SH3PXD2B: variants seen among roughly 807,000 people sequenced by gnomAD.
SH3PXD2B encodes the protein SH3 and PX domains 2B, also known as SH3 and PX domain-containing protein 2B.
SH3PXD2B carries 37 observed loss-of-function variants against 73.1 expected under a neutral mutation model. The ratio of observed to expected loss-of-function variants is 0.51; its 90% CI spans 0.39 to 0.67. The LOEUF is 0.67. SH3PXD2B is among the 30% of genes least tolerant of loss of function. SH3PXD2B has a pLI of 0.00. For synonymous variants in SH3PXD2B, 457 were observed against 480.5 expected, an observed-to-expected ratio of 0.95 and a Z score of 0.64; for missense variants, 1,053 against 1,197.8, an observed-to-expected ratio of 0.88 and a Z score of 1.78.
In SH3PXD2B at chr5:172,339,814, C is replaced by A. The variant is rs142779141; in HGVS notation, c.1291G>T (p.Ala431Ser). ...GGAGCCAGAAAGTTGGGTCTCGACG[C>A]GTTGCTCGTCTTCTTGTACTTGTCA... is the stretch of plus-strand genomic sequence containing the variant. ...FIDKYKKTSN[A>S]SRPNFLAPLP... Residue 431 changes from alanine (A) to serine (S), a missense_variant, in exon 13 of 13, where the codon GCG becomes TCG. Coordinates refer to ENST00000311601, the MANE Select transcript of SH3PXD2B (RefSeq NM_001017995.3). This position sits in a 1 kb window ranked among gnomAD's most constrained non-coding sequence, Gnocchi z 6.1. The A allele has an allele frequency of 1.2e-6, 2 of 1,613,846 alleles. No homozygotes were observed. The highest frequency in any genetic ancestry group is 1.3e-5 in the African/African-American group (1 of 74,952).
intron 2 of SH3PXD2B, among the ~76,000 whole-genome samples, chr5:172,412,010 T>C (rs1244146458): frequency 6.6e-6 from 1 of 152,154 alleles, no homozygotes; most frequent in Non-Finnish European, 1.5e-5. Context: ...CTCTGCTTTC[T>C]GCCTCTATGA....
At chr5:172,390,326 T>C (rs1758153091) in intron 4 of SH3PXD2B, among the ~76,000 whole-genome samples, 1 of 152,272 alleles carries the variant, frequency 6.6e-6, no homozygotes, top group Admixed American at 6.5e-5. Context: ...CTGGCTTCTT[T>C]CACTTAGCAT....
At chr5:172,328,287 G>T (rs1032560210) in intron 12 of SH3PXD2B, among the ~76,000 whole-genome samples, 10 of 151,590 alleles carry the variant, frequency 6.6e-5, no homozygotes, top group Non-Finnish European at 1.5e-4. Context: ...TGCATTTTTA[G>T]TAGAGACGGG....
chr5:172,335,855 T>C lies in SH3PXD2B; in HGVS notation c.*2514A>G. 1 of 1,226,566 alleles carries C rather than the reference T, an allele frequency of 8.2e-7. No individual in the cohort carries two copies. The highest frequency in any genetic ancestry group is 4.2e-5 in the Admixed American group (1 of 23,530). 76.0% of individuals were successfully genotyped at this position (1,226,566 alleles called of 1,614,324 possible). A position where few individuals can be genotyped will look rare whatever the true frequency, so the allele number is the denominator to read the frequency against. On this transcript the variant is annotated 3_prime_UTR_variant, in exon 13 of 13. Coordinates refer to ENST00000311601, the MANE Select transcript of SH3PXD2B (RefSeq NM_001017995.3). ...GACGTCCTCAGGCCATAGATATGAC[T>C]CAAGGAGAGAACAGTGAACAGAGAG...
At chr5:172,417,654 T>TA (rs1396192768) in intron 2 of SH3PXD2B, among the ~76,000 whole-genome samples, 1 of 152,212 alleles carries the variant, frequency 6.6e-6, no homozygotes, top group Non-Finnish European at 1.5e-5. Context: ...TTCACCACTC[T>TA]ATTAACTGGC....
At chr5:172,369,242 GTT>G (rs138212607) in intron 6 of SH3PXD2B, among the ~76,000 whole-genome samples, 1 of 146,030 alleles carries the variant, frequency 6.8e-6, no homozygotes, top group Non-Finnish European at 1.5e-5. Context: ...TGTTTGTTTT[GTT>G]TTTTTTTTAA....
At chr5:172,417,079 G>C (rs1056409328) in intron 2 of SH3PXD2B, among the ~76,000 whole-genome samples, 2 of 152,076 alleles carry the variant, frequency 1.3e-5, no homozygotes, top group African/African-American at 4.8e-5. Flanking sequence ...TCTGCAGACT[G>C]TTTCCTCTGC....
chr5:172,412,532 C>A (rs753576709), intron 2 of SH3PXD2B, among the ~76,000 whole-genome samples: 1 of 152,216 alleles, frequency 6.6e-6, no homozygotes, highest in Non-Finnish European at 1.5e-5. Context: ...CCAATGTCAA[C>A]GGCCATCTGT....
Position 172,334,275 on chromosome 5 carries a change from G to A in SH3PXD2B, c.*4094C>T, listed in dbSNP as rs1756635033. ...TGAAGGAGGTCCATGAGCAGGCAAG[G>A]ACTGTGGAGCCTCCGGTTCCAGCTC... is the stretch of plus-strand genomic sequence containing the variant. On this transcript the variant is annotated 3_prime_UTR_variant, in exon 13 of 13. Transcript: ENST00000311601. The A allele has an allele frequency of 9.9e-7, 1 of 1,011,278 alleles. No individual in the cohort carries two copies. Among genetic ancestry groups the A allele is most frequent in the Middle Eastern group, 4.9e-4 (1 of 2,032 alleles). 62.6% of individuals were successfully genotyped at this position (1,011,278 alleles called of 1,614,324 possible).
intron 1 of SH3PXD2B, among the ~76,000 whole-genome samples, chr5:172,439,694 A>ACG (rs1456255699): frequency 2.1e-4 from 9 of 42,694 alleles, no homozygotes; most frequent in African/African-American, 7.2e-4. Context: ...ACGCGCGCGC[A>ACG]CACACACACA....
chr5:172,382,607 T>C (rs1757975259), intron 4 of SH3PXD2B, among the ~76,000 whole-genome samples: 1 of 152,126 alleles, frequency 6.6e-6, no homozygotes. Context: ...GCATATATTA[T>C]AGGCATATTT....
intron 7 of SH3PXD2B, among the ~76,000 whole-genome samples, chr5:172,359,096 T>A (rs1245732328): frequency 1.3e-5 from 2 of 152,054 alleles, no homozygotes. Flanking sequence ...AGTAAAGTCA[T>A]CCTAAATGAC....
intron 1 of SH3PXD2B, among the ~76,000 whole-genome samples, chr5:172,451,928 C>T (rs1342001764): frequency 6.6e-6 from 1 of 152,248 alleles, no homozygotes; most frequent in African/African-American, 2.4e-5. Context: ...ATCTGATGAA[C>T]CCAGAAGCCT....
chr5:172,439,862 G>C (rs1759512182), intron 1 of SH3PXD2B, among the ~76,000 whole-genome samples: 1 of 152,110 alleles, frequency 6.6e-6, no homozygotes, highest in Non-Finnish European at 1.5e-5. Flanking sequence ...TGGGCTGGTG[G>C]AAACACTCGC....
At chr5:172,342,536 G>C (rs575912060) in intron 12 of SH3PXD2B, among the ~76,000 whole-genome samples, 1 of 152,144 alleles carries the variant, frequency 6.6e-6, no homozygotes, top group Non-Finnish European at 1.5e-5. Flanking sequence ...CAAGGCGGGC[G>C]GATCACCTGG....
At chr5:172,411,590 T>C (rs1163880891) in intron 2 of SH3PXD2B, among the ~76,000 whole-genome samples, 1 of 152,152 alleles carries the variant, frequency 6.6e-6, no homozygotes, top group East Asian at 1.9e-4. Context: ...GGCCAGACAC[T>C]TCATCCCTGA....
At chr5:172,447,121 T>C (rs1036889389) in intron 1 of SH3PXD2B, among the ~76,000 whole-genome samples, 6 of 152,210 alleles carry the variant, frequency 3.9e-5, no homozygotes, top group East Asian at 3.8e-4. Context: ...TGCTGTTTTT[T>C]TATTTTTACT....
At chr5:172,342,635 C>A (rs1756884262) in intron 12 of SH3PXD2B, among the ~76,000 whole-genome samples, 1 of 152,178 alleles carries the variant, frequency 6.6e-6, no homozygotes, top group Admixed American at 6.5e-5. Context: ...GTGGCATGCG[C>A]CTGTAATCCC....
chr5:172,373,382 T>G (rs781239712), intron 6 of SH3PXD2B, among the ~76,000 whole-genome samples: 2 of 152,332 alleles, frequency 1.3e-5, no homozygotes, highest in South Asian at 2.1e-4. Flanking sequence ...GCTACCATAT[T>G]GCTCTGTATA....
Sources: gnomAD v4.1 joint callset for allele counts (sites outside exome capture counted in the v4.1 genomes callset) on GRCh38, gnomAD v4.1.1 for gene constraint, Gnocchi (gnomAD v3.1) non-coding constraint, MANE v1.5 for transcripts, NCBI Gene and HGNC (gene_info 2026-07-23, HGNC 2026-07-21) for gene names.